The following VRK1 variants were observed in gnomAD, a reference collection of about 807,000 sequenced individuals.
VRK1 encodes the protein serine/threonine-protein kinase VRK1.
A neutral mutation model predicts 57.1 loss-of-function variants in VRK1; 33 were observed. That is an observed-to-expected ratio of 0.58 (90% CI 0.44 to 0.77). The LOEUF is 0.77. Among genes scored for constraint, VRK1 ranks in the 30% least tolerant of loss-of-function variants. VRK1 has a pLI of 0.00. For missense variants in VRK1, 413 were observed against 477.3 expected (o/e 0.87, Z 1.25); for synonymous variants, 137 against 147.8 (o/e 0.93, Z 0.53).
At chr14:96,860,858 A>C in intron 11 of VRK1, 123 bp downstream of exon 11, 1 of 989,382 alleles carries the variant, frequency 1.0e-6, no homozygotes, top group Non-Finnish European at 1.5e-6. Flanking sequence ...ATTAAGGCAA[A>C]CATTTTTTGT....
At chr14:96,857,026 T>C (rs911609601) in intron 10 of VRK1, among the ~76,000 whole-genome samples, 15 of 152,222 alleles carry the variant, frequency 9.9e-5, no homozygotes, top group African/African-American at 2.9e-4. Context: ...ATTCAATTAT[T>C]ATTCAGTGCT....
chr14:96,810,537 A>G (rs1886147668), intron 1 of VRK1, among the ~76,000 whole-genome samples: 1 of 152,172 alleles, frequency 6.6e-6, no homozygotes, highest in African/African-American at 2.4e-5. Context: ...ATGGTTATCT[A>G]TACAAGTAGT....
At chr14:96,848,190 C>A (rs1887789892) in intron 5 of VRK1, among the ~76,000 whole-genome samples, 1 of 152,124 alleles carries the variant, frequency 6.6e-6, no homozygotes, top group Non-Finnish European at 1.5e-5. Flanking sequence ...TCTGTTAGTT[C>A]TCCATTGTGT....
intron 1 of VRK1, among the ~76,000 whole-genome samples, chr14:96,832,873 G>A (rs1479932251): frequency 1.3e-5 from 2 of 152,026 alleles, no homozygotes; most frequent in African/African-American, 4.8e-5. Context: ...GGTGGTCACC[G>A]GTGCAATTTT....
intron 12 of VRK1, among the ~76,000 whole-genome samples, chr14:96,880,532 C>A (rs1366665866): frequency 6.6e-6 from 1 of 152,108 alleles, no homozygotes; most frequent in Non-Finnish European, 1.5e-5. Flanking sequence ...GGCAGAATTC[C>A]CATGCCCCCA....
chr14:96,877,395 T>G (rs1399948693), intron 12 of VRK1: 1 of 759,504 alleles, frequency 1.3e-6, no homozygotes, highest in East Asian at 6.5e-5. Context: ...AACTTCACAC[T>G]GAAGGCGAGA....
intron 1 of VRK1, among the ~76,000 whole-genome samples, chr14:96,826,550 T>C (rs772848806): frequency 2.0e-5 from 3 of 152,214 alleles, no homozygotes; most frequent in Non-Finnish European, 2.9e-5. Context: ...CTCTGTTGCA[T>C]TGGCTACTAT....
intron 11 of VRK1, among the ~76,000 whole-genome samples, chr14:96,874,579 A>G (rs1300705913): frequency 1.3e-5 from 2 of 152,204 alleles, no homozygotes; most frequent in Non-Finnish European, 2.9e-5. Flanking sequence ...CCCATATACA[A>G]ATCTGCTAAA....
chr14:96,867,341 C>G (rs1888623419), intron 11 of VRK1, among the ~76,000 whole-genome samples: 1 of 152,036 alleles, frequency 6.6e-6, no homozygotes, highest in Non-Finnish European at 1.5e-5. Context: ...TTGTTGCCTT[C>G]TAACATCTAA....
intron 5 of VRK1, among the ~76,000 whole-genome samples, chr14:96,851,585 A>G (rs1324567769): frequency 6.6e-6 from 1 of 152,220 alleles, no homozygotes; most frequent in African/African-American, 2.4e-5. Flanking sequence ...TTACTTGTTC[A>G]ACATCTTGTC....
chr14:96,818,593 T>G (rs1296066242), intron 1 of VRK1, among the ~76,000 whole-genome samples: 2 of 152,198 alleles, frequency 1.3e-5, no homozygotes, highest in Non-Finnish European at 2.9e-5. Flanking sequence ...GAGGTTCACT[T>G]CTATATCTCA....
chr14:96,866,432 A>G (rs185964261), intron 11 of VRK1, among the ~76,000 whole-genome samples: 17 of 152,302 alleles, frequency 1.1e-4, no homozygotes, highest in Middle Eastern at 3.4e-3. Context: ...AAGAAAGACT[A>G]TATTGGCGAT....
Position 96,855,283 on chromosome 14 carries a change from A to G in VRK1, c.636A>G (p.Glu212=), listed in dbSNP as rs776975502. The G allele has an allele frequency of 1.9e-6, 3 of 1,614,110 alleles. No homozygotes were observed. Among genetic ancestry groups the G allele is most frequent in the Admixed American group, 3.3e-5 (2 of 60,018 alleles). ...YRYCPEGVHK[E]YKEDPKRCHD... ...ACTGCCCAGAAGGAGTTCATAAAGAATACAAAGAAGACCCCAAAAGATGTC... is the reference window on the plus strand; with the variant it reads ...ACTGCCCAGAAGGAGTTCATAAAGAGTACAAAGAAGACCCCAAAAGATGTC... The change falls in exon 8 of 13, where the codon GAA becomes GAG. Residue 212 remains glutamate, a synonymous_variant. Transcript: ENST00000216639.
intron 1 of VRK1, among the ~76,000 whole-genome samples, chr14:96,815,776 T>C (rs1049706910): frequency 6.6e-6 from 1 of 151,384 alleles, no homozygotes; most frequent in Non-Finnish European, 1.5e-5. Context: ...CACTGGTCTG[T>C]AGTCCCAGCT....
At chr14:96,857,777 G>A (rs1888224892) in intron 10 of VRK1, among the ~76,000 whole-genome samples, 2 of 152,082 alleles carry the variant, frequency 1.3e-5, no homozygotes, top group Non-Finnish European at 1.5e-5. Context: ...ATTTAAAATT[G>A]CAACCTACTC....
chr14:96,827,675 C>T (rs556135556), intron 1 of VRK1, among the ~76,000 whole-genome samples: 72 of 152,258 alleles, frequency 4.7e-4, no homozygotes, highest in African/African-American at 1.6e-3. Context: ...GTTCCATATT[C>T]CTTCAAATTG....
chr14:96,824,306 G>A lies in VRK1; in HGVS notation c.-5-9161G>A, dbSNP rs142062170. ...AAGAATTTACTGTATTCCTCAAATTGCCTAGGACTGTGAGTAGCCTAAATG... is the reference window on the plus strand; with the variant it reads ...AAGAATTTACTGTATTCCTCAAATTACCTAGGACTGTGAGTAGCCTAAATG... On this transcript the variant is annotated intron_variant, in intron 1 of 12. Coordinates refer to ENST00000216639, the MANE Select transcript of VRK1 (RefSeq NM_003384.3). Among the ~76,000 whole-genome samples, 825 of 152,270 alleles carry A rather than the reference G, an allele frequency of 5.4e-3. 10 individuals are homozygous for A. Among genetic ancestry groups the A allele is most frequent in the African/African-American group, 0.019 (788 of 41,560 alleles).
intron 4 of VRK1, 69 bp from the exon 5 acceptor site, chr14:96,847,188 A>C (rs966015141): frequency 5.4e-6 from 7 of 1,305,468 alleles, no homozygotes; most frequent in Non-Finnish European, 7.7e-6. Context: ...TTTTGCTCTT[A>C]ATGATTTTTT....
chr14:96,811,016 G>A (rs1367435486), intron 1 of VRK1, among the ~76,000 whole-genome samples: 4 of 151,652 alleles, frequency 2.6e-5, no homozygotes, highest in African/African-American at 9.7e-5. Context: ...TGCAACCTCC[G>A]CCTCCTGGGT....
Sources: allele counts gnomAD v4.1 joint callset (sites outside exome capture counted in the v4.1 genomes callset), GRCh38; gene constraint gnomAD v4.1.1; transcripts MANE v1.5; gene names NCBI Gene and HGNC (gene_info 2026-07-23, HGNC 2026-07-21).